STK39: variants seen among roughly 807,000 people sequenced by gnomAD.
STK39 encodes the protein serine/threonine kinase 39.
A neutral mutation model predicts 77.8 loss-of-function variants in STK39; 20 were observed. That is an observed-to-expected ratio of 0.26 (90% CI 0.18 to 0.37). The LOEUF (loss-of-function observed/expected upper bound fraction) is 0.37, where lower values mean the gene tolerates loss of function less well. STK39 is among the 10% of genes least tolerant of loss of function. The probability of loss-of-function intolerance (pLI) is 1.00; values close to 1 mark genes in which losing one functional copy is unlikely to be tolerated. For synonymous variants in STK39, 246 were observed against 234.1 expected, an observed-to-expected ratio of 1.05 and a Z score of -0.47; for missense variants, 479 against 656.5, an observed-to-expected ratio of 0.73 and a Z score of 2.95.
intron 10 of STK39, among the ~76,000 whole-genome samples, chr2:168,104,853 T>C (rs1686927282): frequency 6.6e-6 from 1 of 152,102 alleles, no homozygotes; most frequent in Admixed American, 6.5e-5. Context: ...GAATAATTAA[T>C]GAAGCAATTG....
At chr2:167,995,106 T>C (rs1292486643) in intron 16 of STK39, among the ~76,000 whole-genome samples, 2 of 151,402 alleles carry the variant, frequency 1.3e-5, no homozygotes, top group Admixed American at 6.6e-5. Flanking sequence ...TATATTTTTC[T>C]TTTGTTTTGT....
At chr2:168,012,318 G>A (rs532307883) in intron 16 of STK39, among the ~76,000 whole-genome samples, 30 of 151,962 alleles carry the variant, frequency 2.0e-4, no homozygotes, top group African/African-American at 4.3e-4. Context: ...GATTACGGGC[G>A]TACACCACCC....
intron 3 of STK39, among the ~76,000 whole-genome samples, chr2:168,166,113 T>A (rs142550553): frequency 5.3e-5 from 8 of 152,304 alleles, no homozygotes; most frequent in African/African-American, 1.7e-4. Flanking sequence ...AAGTCACAAA[T>A]TCCAGCACCA....
chr2:168,010,060 CG>C (rs1574388588), intron 16 of STK39, among the ~76,000 whole-genome samples: 2 of 152,182 alleles, frequency 1.3e-5, no homozygotes, highest in Admixed American at 1.3e-4. Flanking sequence ...AATGCCTTTC[CG>C]TCAAGCTCTC....
At chr2:168,171,462 C>A (rs1458233476) in intron 2 of STK39, among the ~76,000 whole-genome samples, 3 of 136,312 alleles carry the variant, frequency 2.2e-5, no homozygotes, top group African/African-American at 6.0e-5. Context: ...AATAACAGAA[C>A]TGAAAATAAA....
At position 168,132,399 on chromosome 2, in the gene STK39, T is replaced by TA. The variant is rs778335568; in HGVS notation, c.975-2642dup. On this transcript the variant is annotated intron_variant, in intron 8 of 17. Coordinates refer to ENST00000355999, the MANE Select transcript of STK39 (RefSeq NM_013233.3). ...CCCACTGCTTCGCAAATTAGCGTCT[T>TA]AAAAAAAAAATCTGATCCTCTTTTA... 3.9e-4 allele frequency among the ~76,000 whole-genome samples: 59 copies of TA among 149,560 alleles called. 3 individuals carry two copies. The South Asian group carries it at 5.1e-3, about 13-fold the overall frequency.
chr2:168,049,239 G>T (rs890894264), intron 14 of STK39, among the ~76,000 whole-genome samples: 1 of 152,194 alleles, frequency 6.6e-6, no homozygotes, highest in East Asian at 1.9e-4. Context: ...AGAACACACG[G>T]CTAATGCTGG....
At chr2:168,058,181 C>CT (rs1282299605) in intron 14 of STK39, among the ~76,000 whole-genome samples, 1 of 152,240 alleles carries the variant, frequency 6.6e-6, no homozygotes. Context: ...TTGGACCAGG[C>CT]TTTTGTCCCC....
At chr2:167,959,301 A>G (rs1220764273) in intron 17 of STK39, among the ~76,000 whole-genome samples, 4 of 146,202 alleles carry the variant, frequency 2.7e-5, no homozygotes, top group African/African-American at 1.0e-4. Flanking sequence ...TTTTTTTTGT[A>G]TTTTTAGTAG....
chr2:168,049,260 GA>G (rs1216831638), intron 14 of STK39, among the ~76,000 whole-genome samples: 1 of 152,214 alleles, frequency 6.6e-6, no homozygotes, highest in Non-Finnish European at 1.5e-5. Context: ...ATAATGACAA[GA>G]ATGGAGGCAG....
intron 1 of STK39, among the ~76,000 whole-genome samples, chr2:168,243,931 A>C (rs1162707790): frequency 6.6e-6 from 1 of 152,210 alleles, no homozygotes. Context: ...TTCCTTCTTT[A>C]GAGAGGTAAG....
intron 1 of STK39, among the ~76,000 whole-genome samples, chr2:168,203,105 G>A (rs546219620): frequency 4.1e-4 from 63 of 152,248 alleles, no homozygotes; most frequent in East Asian, 3.9e-4. Flanking sequence ...ATCCCCGGCC[G>A]TAGCATTTCC....
At chr2:168,186,927 C>A (rs1689223390) in intron 1 of STK39, among the ~76,000 whole-genome samples, 1 of 152,116 alleles carries the variant, frequency 6.6e-6, no homozygotes, top group African/African-American at 2.4e-5. Flanking sequence ...TAAATGATTT[C>A]TAAAGTCTGA....
intron 1 of STK39, among the ~76,000 whole-genome samples, chr2:168,217,166 T>C (rs774117796): frequency 3.9e-5 from 6 of 152,194 alleles, no homozygotes; most frequent in African/African-American, 7.2e-5. Context: ...CACTCTCCCA[T>C]GTTATTGAAG....
chr2:168,060,579 C>T (rs2105380088), intron 14 of STK39, among the ~76,000 whole-genome samples: 1 of 152,274 alleles, frequency 6.6e-6, no homozygotes, highest in South Asian at 2.1e-4. Flanking sequence ...GGCAACCTAA[C>T]TAGACAAATG....
intron 12 of STK39, among the ~76,000 whole-genome samples, chr2:168,071,097 A>G (rs987193797): frequency 6.6e-6 from 1 of 152,132 alleles, no homozygotes; most frequent in Non-Finnish European, 1.5e-5. Context: ...TCACTCATTA[A>G]GCTTTCCTAA....
chr2:168,246,334 G>C (rs1452795774), intron 1 of STK39, among the ~76,000 whole-genome samples: 1 of 152,216 alleles, frequency 6.6e-6, no homozygotes, highest in Non-Finnish European at 1.5e-5. Flanking sequence ...CTTGGCCCAA[G>C]GAAAAGTAAC....
chr2:167,998,982 T>C (rs1005027877), intron 16 of STK39, among the ~76,000 whole-genome samples: 2 of 152,334 alleles, frequency 1.3e-5, no homozygotes, highest in East Asian at 1.9e-4. Context: ...ACAAGATTTA[T>C]ACTTTAACTA....
At chr2:168,175,647 A>G (rs1688939066) in intron 2 of STK39, among the ~76,000 whole-genome samples, 1 of 152,236 alleles carries the variant, frequency 6.6e-6, no homozygotes, top group African/African-American at 2.4e-5. Flanking sequence ...TTGCATATAC[A>G]GTATAGTATT....
Sources: allele counts gnomAD v4.1 joint callset (sites outside exome capture counted in the v4.1 genomes callset), GRCh38; gene constraint gnomAD v4.1.1; transcripts MANE v1.5; gene names NCBI Gene and HGNC (gene_info 2026-07-23, HGNC 2026-07-21).